AFF3: variants seen among roughly 807,000 people sequenced by gnomAD.
AFF3 encodes AF4/FMR2 family member 3.
AFF3 carries 32 observed loss-of-function variants against 129.7 expected under a neutral mutation model. The observed-to-expected ratio is 0.25, with a 90% CI of 0.19 to 0.33. The LOEUF is 0.33. Among genes scored for constraint, AFF3 ranks in the 10% least tolerant of loss-of-function variants. The pLI is 1.00. For synonymous variants in AFF3, 644 were observed against 635.4 expected, an observed-to-expected ratio of 1.01 and a Z score of -0.20; for missense variants, 1,373 against 1,592.0, an observed-to-expected ratio of 0.86 and a Z score of 2.34.
chr2:99,978,599 GAAC>G, intron 7 of AFF3, among the ~76,000 whole-genome samples: 2 of 152,226 alleles, frequency 1.3e-5, no homozygotes, highest in Admixed American at 1.3e-4. Context: ...GGGAAGAGAT[GAAC>G]AACCACTATA....
At chr2:99,720,760 A>G (rs1342779142) in intron 11 of AFF3, among the ~76,000 whole-genome samples, 1 of 151,880 alleles carries the variant, frequency 6.6e-6, no homozygotes, top group African/African-American at 2.4e-5. Flanking sequence ...TTAGTATTTT[A>G]TTTTAATTCC....
At chr2:100,137,981 G>T (rs920091179) in intron 1 of AFF3, among the ~76,000 whole-genome samples, 2 of 152,148 alleles carry the variant, frequency 1.3e-5, no homozygotes, top group Non-Finnish European at 2.9e-5. Context: ...GGAAGCATGG[G>T]GTGGCCATCT....
At chr2:99,897,637 G>A (rs777635061) in intron 7 of AFF3, among the ~76,000 whole-genome samples, 4 of 152,144 alleles carry the variant, frequency 2.6e-5, no homozygotes, top group Non-Finnish European at 5.9e-5. Context: ...TTTAGTGCCC[G>A]GTTCTAACTT....
At chr2:100,033,771 G>A (rs1684698053) in intron 4 of AFF3, among the ~76,000 whole-genome samples, 2 of 152,204 alleles carry the variant, frequency 1.3e-5, no homozygotes, top group South Asian at 2.1e-4. Context: ...TAAAAAAGAT[G>A]CAAATTCTTA....
intron 4 of AFF3, among the ~76,000 whole-genome samples, chr2:100,041,735 T>C (rs1040548334): frequency 2.0e-5 from 3 of 152,210 alleles, no homozygotes; most frequent in South Asian, 2.1e-4. Flanking sequence ...ATGATGAATA[T>C]TAAACTGTTA....
chr2:99,575,414 A>ATTTTTTTTTTTTTTTTTTTTT (rs540441950), intron 18 of AFF3, among the ~76,000 whole-genome samples: 3 of 127,472 alleles, frequency 2.4e-5, no homozygotes, highest in African/African-American at 9.2e-5. Flanking sequence ...TGCCTGGCTA[A>ATTTTTTTTTTTTTTTTTTTTT]TTTTTTTTTT....
At chr2:99,701,637 G>C (rs1676874943) in intron 11 of AFF3, among the ~76,000 whole-genome samples, 1 of 152,184 alleles carries the variant, frequency 6.6e-6, no homozygotes, top group African/African-American at 2.4e-5. Flanking sequence ...ACTGACATTA[G>C]AACAATCCAC....
intron 23 of AFF3, 37 bp from the exon 24 acceptor site, chr2:99,554,571 G>A (rs1674740275): frequency 6.2e-7 from 1 of 1,608,732 alleles, no homozygotes; most frequent in Non-Finnish European, 8.5e-7. Context: ...GAGTGGCGAG[G>A]TCGGGAGCAA....
intron 12 of AFF3, among the ~76,000 whole-genome samples, chr2:99,670,851 T>C (rs1025326744): frequency 4.6e-5 from 7 of 152,168 alleles, no homozygotes; most frequent in African/African-American, 1.7e-4. Flanking sequence ...TATATTCACA[T>C]AGGAATTAAA....
chr2:99,764,986 A>G (rs1250723052), intron 8 of AFF3, among the ~76,000 whole-genome samples: 1 of 152,200 alleles, frequency 6.6e-6, no homozygotes, highest in Non-Finnish European at 1.5e-5. Flanking sequence ...TCTGGGGCTG[A>G]CACATCACTG....
chr2:100,020,334 G>A (rs1017753329), intron 4 of AFF3, among the ~76,000 whole-genome samples: 1 of 151,978 alleles, frequency 6.6e-6, no homozygotes, highest in Non-Finnish European at 1.5e-5. Context: ...TCCAGGCTCT[G>A]TGCAAAACCT....
At chr2:99,890,899 A>AGG (rs987246644) in intron 7 of AFF3, among the ~76,000 whole-genome samples, 12 of 151,874 alleles carry the variant, frequency 7.9e-5, no homozygotes, top group African/African-American at 2.9e-4. Flanking sequence ...AGCCAAACTG[A>AGG]GGGGTGGGAG....
chr2:99,707,737 T>C (rs1283762667), intron 11 of AFF3: 1 of 801,450 alleles, frequency 1.2e-6, no homozygotes. Context: ...ATCTTCAGGC[T>C]AAAGAGTCTG....
At chr2:99,695,974 C>CA (rs1676218680) in intron 11 of AFF3, among the ~76,000 whole-genome samples, 1 of 72,964 alleles carries the variant, frequency 1.4e-5, no homozygotes, top group African/African-American at 7.8e-5. Context: ...AAAGAAAAAA[C>CA]CAAAAAAAAA....
intron 7 of AFF3, among the ~76,000 whole-genome samples, chr2:99,872,810 A>G (rs1691984421): frequency 6.6e-6 from 1 of 152,118 alleles, no homozygotes; most frequent in Admixed American, 6.5e-5. Context: ...ATTCATTAAC[A>G]TTACCACTGA....
chr2:100,069,620 G>A (rs1170637688), intron 4 of AFF3, among the ~76,000 whole-genome samples: 1 of 152,110 alleles, frequency 6.6e-6, no homozygotes, highest in Non-Finnish European at 1.5e-5. Context: ...TAGAGTTAAT[G>A]TTTAGCCATC....
chr2:99,663,677 T>C (rs1025292516), intron 12 of AFF3, among the ~76,000 whole-genome samples: 10 of 152,204 alleles, frequency 6.6e-5, no homozygotes, highest in Non-Finnish European at 1.3e-4. Context: ...TAAACCATGT[T>C]CATTTAAAGA....
intron 8 of AFF3, among the ~76,000 whole-genome samples, chr2:99,786,552 C>T (rs746936786): frequency 3.9e-5 from 6 of 152,078 alleles, no homozygotes; most frequent in South Asian, 2.1e-4. Flanking sequence ...AGTATGACAG[C>T]GCAATGCAGT....
At chr2:99,772,528 C>T (rs2105332682) in intron 8 of AFF3, among the ~76,000 whole-genome samples, 1 of 152,278 alleles carries the variant, frequency 6.6e-6, no homozygotes, top group African/African-American at 2.4e-5. Flanking sequence ...CAATATATAA[C>T]CAAGATCTTA....
Sources: allele counts gnomAD v4.1 joint callset (sites outside exome capture counted in the v4.1 genomes callset), GRCh38; gene constraint gnomAD v4.1.1; transcripts MANE v1.5; gene names NCBI Gene and HGNC (gene_info 2026-07-23, HGNC 2026-07-21).